Variants in TLE1 observed in about 807,000 individuals in gnomAD.
TLE1 encodes TLE family member 1, transcriptional corepressor, also known as transducin-like enhancer protein 1.
In TLE1, 21 loss-of-function variants were observed where a neutral mutation model predicts 89.8. The ratio of observed to expected loss-of-function variants is 0.23; its 90% confidence interval spans 0.17 to 0.34. The LOEUF (loss-of-function observed/expected upper bound fraction) is 0.34. Among genes scored for constraint, TLE1 ranks in the 10% least tolerant of loss-of-function variants. The pLI is 1.00. For missense variants in TLE1, 795 were observed against 1,031.2 expected, an observed-to-expected ratio of 0.77 and a Z score of 3.14; for synonymous variants, 447 against 407.6, an observed-to-expected ratio of 1.10 and a Z score of -1.16.
rs753672162 is a variant in TLE1 at position 81,687,378 on chromosome 9, G to C, written c.81C>G (p.Asp27Glu). 7.5e-6 allele frequency: 12 copies of C among 1,610,716 alleles called. No individual in the cohort carries two copies. In the African/African-American group the frequency reaches 1.6e-4, roughly 22 times the overall value. ...GGAACTGGAATTCCTCTTTAATCCG[G>C]TCCAGGGACTCCGGGATAGTGAACT... ...PFKFTIPESLDRIKEEFQFLQ... is the reference protein window; with the variant it reads ...PFKFTIPESLERIKEEFQFLQ... The change falls in exon 2 of 20, where the codon GAC (aspartate) becomes GAG (glutamate). Residue 27 changes from aspartate to glutamate, a missense_variant. Around this residue, in one of 4 missense-constraint regions of TLE1, gnomAD observed 47 missense variants for 48.5 expected, o/e 0.97. Transcript: ENST00000376499.
chr9:81,678,255 C>G (rs1016535370), intron 4 of TLE1, among the ~76,000 whole-genome samples: 1 of 152,098 alleles, frequency 6.6e-6, no homozygotes, highest in Non-Finnish European at 1.5e-5. Flanking sequence ...GTCATACAGT[C>G]TAGAGTACAG....
intron 17 of TLE1, 56 bp downstream of exon 17, chr9:81,587,625 A>C: frequency 6.5e-7 from 1 of 1,543,412 alleles, no homozygotes. Context: ...TGTGAGGAGG[A>C]AGACACACCC....
chr9:81,673,272 TAAAA>T (rs5898756), intron 4 of TLE1, among the ~76,000 whole-genome samples: 21 of 97,996 alleles, frequency 2.1e-4, no homozygotes, highest in African/African-American at 4.4e-4. Context: ...AGACTTCATT[TAAAA>T]AAAAAAAAAA....
chr9:81,637,404 G>C (rs911205676), intron 6 of TLE1, among the ~76,000 whole-genome samples: 8 of 152,210 alleles, frequency 5.3e-5, no homozygotes, highest in African/African-American at 1.9e-4. Flanking sequence ...ATATCTTACT[G>C]TGAAGAGGTG....
At chr9:81,603,813 C>T (rs111723579) in intron 14 of TLE1, among the ~76,000 whole-genome samples, 6,206 of 152,188 alleles carry the variant, frequency 0.041, 373 homozygotes, top group African/African-American at 0.14. Flanking sequence ...ACCAGCCTGG[C>T]CAACATGGTG....
intron 6 of TLE1, among the ~76,000 whole-genome samples, chr9:81,635,271 T>C (rs1827226146): frequency 6.6e-6 from 1 of 152,134 alleles, no homozygotes; most frequent in African/African-American, 2.4e-5. Context: ...CTGATGAAAA[T>C]ACTGAGACCT....
intron 14 of TLE1, among the ~76,000 whole-genome samples, chr9:81,600,452 TGGAGATCC>T (rs1830762640): frequency 6.6e-6 from 1 of 152,112 alleles, no homozygotes; most frequent in African/African-American, 2.4e-5. Flanking sequence ...GAGGTCACCC[TGGAGATCC>T]CCATCTCATT....
At chr9:81,584,835 A>G (rs951008662) in intron 18 of TLE1, among the ~76,000 whole-genome samples, 4 of 152,184 alleles carry the variant, frequency 2.6e-5, no homozygotes, top group African/African-American at 9.7e-5. Flanking sequence ...CAGTCTCCTC[A>G]TGATAAAATG....
chr9:81,610,533 G>T (rs2132046416), intron 13 of TLE1, among the ~76,000 whole-genome samples: 1 of 152,308 alleles, frequency 6.6e-6, no homozygotes, highest in Non-Finnish European at 1.5e-5. Context: ...TTTGTGCACT[G>T]AGAACCACTT....
At chr9:81,681,901 G>C (rs983816906) in intron 4 of TLE1, among the ~76,000 whole-genome samples, 1 of 152,074 alleles carries the variant, frequency 6.6e-6, no homozygotes, top group African/African-American at 2.4e-5. Flanking sequence ...GCAGGCACTA[G>C]GGAGACATGG....
chr9:81,673,151 T>C (rs1380537052), intron 4 of TLE1, among the ~76,000 whole-genome samples: 1 of 151,840 alleles, frequency 6.6e-6, no homozygotes, highest in African/African-American at 2.4e-5. Context: ...TGCACGCCTG[T>C]AATCCCAGCT....
At chr9:81,680,091 G>A (rs146337065) in intron 4 of TLE1, among the ~76,000 whole-genome samples, 16 of 152,280 alleles carry the variant, frequency 1.1e-4, no homozygotes, top group African/African-American at 3.9e-4. Context: ...CGAGGTGCTG[G>A]GTTCTGCGGG....
chr9:81,585,674 G>C lies in TLE1; in HGVS notation c.1978-19C>G, dbSNP rs112768572. ...AGAAGATCTACAAGGAGCAAGACAG[G>C]CTCACTCATTATTCCGCCTGATACA... is the stretch of plus-strand genomic sequence containing the variant. On this transcript the variant is annotated intron_variant, in intron 17 of 19. Transcript: ENST00000376499. 141 of 1,612,590 alleles carry C rather than the reference G, an allele frequency of 8.7e-5. No homozygotes were observed. The African/African-American group carries it at 1.3e-3, about 14-fold the overall frequency.
At position 81,640,396 on chromosome 9, in the gene TLE1, TAA is replaced by T. The variant is rs56035615; in HGVS notation, c.373-6097_373-6096del. ...TGATTCCACTAACAATTTCAAAAATTAAAAAAAAAAAAAAATCCTTGTATTTT... is the reference window on the plus strand; with the variant it reads ...TGATTCCACTAACAATTTCAAAAATTAAAAAAAAAAAAATCCTTGTATTTT... On this transcript the variant is annotated intron_variant, in intron 6 of 19. Transcript: ENST00000376499. Among the ~76,000 whole-genome samples, 418 of 142,558 alleles carry T rather than the reference TAA, an allele frequency of 2.9e-3. 3 individuals carry two copies. Among genetic ancestry groups the T allele is most frequent in the African/African-American group, 9.7e-3 (369 of 38,210 alleles). 93.5% of individuals were successfully genotyped at this position (142,558 alleles called of 152,430 possible).
chr9:81,655,154 A>G (rs1458498073), intron 4 of TLE1, among the ~76,000 whole-genome samples: 4 of 152,154 alleles, frequency 2.6e-5, no homozygotes, highest in African/African-American at 9.6e-5. Context: ...TTATGAGGTC[A>G]GGAGTTCAAG....
Position 81,634,236 on chromosome 9 carries a change from G to C in TLE1, c.438C>G (p.His146Gln). Residue 146 changes from histidine to glutamine, a missense_variant, in exon 7 of 20, where the codon CAC becomes CAG. By Grantham distance (24) the His-to-Gln change is conservative. Around this residue, in one of 4 missense-constraint regions of TLE1, gnomAD observed 468 missense variants for 509.1 expected, o/e 0.92. Transcript: ENST00000376499. Reference sequence around the variant, plus strand: ...TTCCAGGAGGCTGAAGTCCCGAAGGGTGAGGCGTAAGGGGAACTGGGGGTC... The same window carrying C: ...TTCCAGGAGGCTGAAGTCCCGAAGGCTGAGGCGTAAGGGGAACTGGGGGTC... ...GHGPPVPLTP[H>Q]PSGLQPPGIP... The C allele has an allele frequency of 3.2e-6, 5 of 1,587,208 alleles. No homozygotes were observed. Among genetic ancestry groups the C allele is most frequent in the Non-Finnish European group, 4.3e-6 (5 of 1,164,866 alleles).
At chr9:81,594,044 G>C (rs1056311155) in intron 14 of TLE1, among the ~76,000 whole-genome samples, 1 of 152,158 alleles carries the variant, frequency 6.6e-6, no homozygotes, top group African/African-American at 2.4e-5. Flanking sequence ...ACTTGAAAGA[G>C]GGGAGAGGGA....
At chr9:81,612,962 G>A (rs1335727722) in intron 12 of TLE1, among the ~76,000 whole-genome samples, 1 of 152,180 alleles carries the variant, frequency 6.6e-6, no homozygotes. Context: ...GGAGGCTCAG[G>A]CAAGAGAATC....
intron 14 of TLE1, among the ~76,000 whole-genome samples, chr9:81,598,547 C>T (rs1255495310): frequency 6.6e-6 from 1 of 152,098 alleles, no homozygotes; most frequent in East Asian, 1.9e-4. Flanking sequence ...ATCAGAACAC[C>T]ACAAGCTGTC....
Sources: gnomAD v4.1 joint callset for allele counts (sites outside exome capture counted in the v4.1 genomes callset) on GRCh38, gnomAD v4.1.1 for gene constraint, gnomAD v4.1.1 regional missense constraint, MANE v1.5 for transcripts, NCBI Gene and HGNC (gene_info 2026-07-23, HGNC 2026-07-21) for gene names.